Variants in RBKS observed in about 807,000 individuals in gnomAD.
RBKS encodes the protein ribokinase.
In RBKS, 33 loss-of-function variants were observed where a neutral mutation model predicts 33.9. The observed-to-expected ratio is 0.97, with a 90% CI of 0.74 to 1.30. The LOEUF is 1.30. Ranked by LOEUF, RBKS falls within the 50% of genes most tolerant of loss-of-function variation. RBKS has a pLI of 0.00. For missense variants in RBKS, 361 were observed against 392.6 expected, an observed-to-expected ratio of 0.92 and a Z score of 0.68; for synonymous variants, 125 against 143.0, an observed-to-expected ratio of 0.87 and a Z score of 0.90.
At chr2:27,801,299 A>C (rs1677775213) in intron 7 of RBKS, among the ~76,000 whole-genome samples, 1 of 152,056 alleles carries the variant, frequency 6.6e-6, no homozygotes, top group Non-Finnish European at 1.5e-5. Context: ...CAACCTCGCC[A>C]CTCAGAGTGA....
At chr2:27,809,472 C>G (rs1208450151) in intron 7 of RBKS, among the ~76,000 whole-genome samples, 1 of 152,166 alleles carries the variant, frequency 6.6e-6, no homozygotes, top group African/African-American at 2.4e-5. Flanking sequence ...AAAAAGGGCC[C>G]ATTCTTCAGG....
chr2:27,877,230 C>A (rs920234091), intron 1 of RBKS, among the ~76,000 whole-genome samples: 1 of 151,748 alleles, frequency 6.6e-6, no homozygotes, highest in African/African-American at 2.4e-5. Context: ...AAGTCCCCGA[C>A]AACACTTTAC....
intron 5 of RBKS, among the ~76,000 whole-genome samples, chr2:27,832,996 A>C (rs969772495): frequency 1.3e-5 from 2 of 152,190 alleles, no homozygotes; most frequent in Non-Finnish European, 2.9e-5. Flanking sequence ...GTACTTTACA[A>C]CATTTCAGCT....
intron 4 of RBKS, among the ~76,000 whole-genome samples, chr2:27,844,264 A>AAAG (rs1337187721): frequency 2.9e-4 from 24 of 82,166 alleles, no homozygotes; most frequent in African/African-American, 9.2e-4. Flanking sequence ...TCTGTCTCAG[A>AAAG]AAAAAAAAAA....
chr2:27,818,810 T>C (rs1038765553), intron 7 of RBKS, among the ~76,000 whole-genome samples: 3 of 152,210 alleles, frequency 2.0e-5, no homozygotes, highest in African/African-American at 7.2e-5. Context: ...AGACACATCA[T>C]GCTTAGATGA....
intron 7 of RBKS, among the ~76,000 whole-genome samples, chr2:27,794,028 G>A (rs904733672): frequency 7.9e-5 from 12 of 152,002 alleles, no homozygotes; most frequent in East Asian, 7.7e-4. Flanking sequence ...GGCTGGGCGC[G>A]GTGGCTCATG....
At chr2:27,827,865 G>T in intron 6 of RBKS, 110 bp from the exon 7 acceptor site, 1 of 889,232 alleles carries the variant, frequency 1.1e-6, no homozygotes, top group Non-Finnish European at 1.6e-6. Context: ...AACAACCAAT[G>T]CAATGGGAAC....
chr2:27,815,641 C>T (rs910982081), intron 7 of RBKS, among the ~76,000 whole-genome samples: 2 of 152,094 alleles, frequency 1.3e-5, no homozygotes, highest in African/African-American at 4.8e-5. Flanking sequence ...GGAAGATGGG[C>T]GAGGAGTAGA....
intron 7 of RBKS, chr2:27,782,777 T>G (rs1259306252): frequency 3.4e-6 from 1 of 297,878 alleles, no homozygotes; most frequent in Non-Finnish European, 7.4e-6. Context: ...TAATTTTAAT[T>G]TTTTTTTTCA....
intron 1 of RBKS, among the ~76,000 whole-genome samples, chr2:27,860,387 C>G (rs1439576587): frequency 6.6e-6 from 1 of 152,102 alleles, no homozygotes; most frequent in African/African-American, 2.4e-5. Context: ...ACAAACAACA[C>G]TCAGAGCAAC....
At chr2:27,838,136 G>C (rs1457309026) in intron 5 of RBKS, among the ~76,000 whole-genome samples, 1 of 152,072 alleles carries the variant, frequency 6.6e-6, no homozygotes, top group African/African-American at 2.4e-5. Flanking sequence ...GGAGGTGGAG[G>C]CTGCAGTGAG....
At chr2:27,791,650 T>C (rs1366815241) in intron 7 of RBKS, among the ~76,000 whole-genome samples, 19 of 48,716 alleles carry the variant, frequency 3.9e-4, no homozygotes, top group African/African-American at 6.8e-4. Context: ...ACACTAAATA[T>C]ACATATACAT....
rs997838655 is a variant in RBKS at position 27,795,560 on chromosome 2, C to G, written c.796-13772G>C. On this transcript the variant is annotated intron_variant, in intron 7 of 7. Coordinates refer to ENST00000302188, the MANE Select transcript of RBKS (RefSeq NM_022128.3). This position sits in a 1 kb window ranked among gnomAD's most constrained non-coding sequence, Gnocchi z 4.1. ...ATATACACACACACACAACATTGACCTCATTTCATCTTCACACTGACCCTG... is the reference window on the plus strand; with the variant it reads ...ATATACACACACACACAACATTGACGTCATTTCATCTTCACACTGACCCTG... Among the ~76,000 whole-genome samples the G allele has an allele frequency of 6.6e-6, 1 of 152,090 alleles. No individual in the cohort carries two copies. The highest frequency in any genetic ancestry group is 1.5e-5 in the Non-Finnish European group (1 of 68,028).
chr2:27,878,417 A>G (rs1400055030), intron 1 of RBKS, among the ~76,000 whole-genome samples: 1 of 151,586 alleles, frequency 6.6e-6, no homozygotes, highest in Non-Finnish European at 1.5e-5. Flanking sequence ...CATTTTCTTA[A>G]TCCAGTCTAT....
At chr2:27,889,896 G>A (rs1239932834) in intron 1 of RBKS, 1 of 225,154 alleles carries the variant, frequency 4.4e-6, no homozygotes, top group Non-Finnish European at 8.7e-6. Context: ...CATTCTCGGA[G>A]GTAAAATGAC....
At chr2:27,861,149 G>T (rs1345194404) in intron 1 of RBKS, among the ~76,000 whole-genome samples, 6 of 152,054 alleles carry the variant, frequency 3.9e-5, no homozygotes, top group African/African-American at 1.4e-4. Flanking sequence ...TGTATTTTTG[G>T]TAGAGAGGGG....
At chr2:27,861,412 C>T (rs528248517) in intron 1 of RBKS, 34 of 455,636 alleles carry the variant, frequency 7.5e-5, no homozygotes, top group African/African-American at 6.8e-4. Flanking sequence ...CCATATTTTA[C>T]CAGATCTTGC....
intron 5 of RBKS, among the ~76,000 whole-genome samples, chr2:27,842,737 A>G (rs1024771901): frequency 6.6e-6 from 1 of 151,802 alleles, no homozygotes; most frequent in African/African-American, 2.4e-5. Flanking sequence ...GCTCACTGCA[A>G]CCTCCACCTC....
At chr2:27,888,937 T>C (rs1664625848) in intron 1 of RBKS, among the ~76,000 whole-genome samples, 1 of 152,258 alleles carries the variant, frequency 6.6e-6, no homozygotes, top group African/African-American at 2.4e-5. Context: ...TTCAATTTTA[T>C]GCTCTGTCAC....
Sources: gnomAD v4.1 joint callset for allele counts (sites outside exome capture counted in the v4.1 genomes callset) on GRCh38, gnomAD v4.1.1 for gene constraint, Gnocchi (gnomAD v3.1) non-coding constraint, MANE v1.5 for transcripts, NCBI Gene and HGNC (gene_info 2026-07-23, HGNC 2026-07-21) for gene names.